The following AKT2 variants were observed in gnomAD, a reference collection of about 807,000 sequenced individuals.
AKT2 encodes the protein RAC-beta serine/threonine-protein kinase.
In AKT2, 16 loss-of-function variants were observed where a neutral mutation model predicts 58.6. That is an observed-to-expected ratio of 0.27 (90% CI 0.18 to 0.41). The LOEUF (loss-of-function observed/expected upper bound fraction) is 0.41. Ranked by LOEUF, AKT2 falls within the 10% of genes least tolerant of loss-of-function variation. AKT2 has a pLI of 1.00. For synonymous variants in AKT2, 253 were observed against 254.0 expected, an observed-to-expected ratio of 1.00 and a Z score of 0.04; for missense variants, 438 against 661.0, an observed-to-expected ratio of 0.66 and a Z score of 3.70.
chr19:40,239,150 G>A (rs1974219923), intron 7 of AKT2, 177 bp from the exon 8 acceptor site: 2 of 598,880 alleles, frequency 3.3e-6, no homozygotes, highest in South Asian at 4.1e-5. Flanking sequence ...GGCATTAAGT[G>A]AAGGCATGGC....
intron 1 of AKT2, among the ~76,000 whole-genome samples, chr19:40,278,955 C>T (rs1292559841): frequency 6.6e-6 from 1 of 151,884 alleles, no homozygotes; most frequent in African/African-American, 2.4e-5. Flanking sequence ...TCAGCAGCCC[C>T]AGCTGGGTAA....
chr19:40,254,809 T>C (rs1239832310), intron 4 of AKT2, among the ~76,000 whole-genome samples: 1 of 151,772 alleles, frequency 6.6e-6, no homozygotes, highest in African/African-American at 2.4e-5. Context: ...GCATTCCAAC[T>C]TGGGCAATAA....
At chr19:40,257,187 G>A (rs1051333813) in intron 2 of AKT2, 133 bp from the exon 3 acceptor site, 16 of 1,213,730 alleles carry the variant, frequency 1.3e-5, no homozygotes, top group African/African-American at 8.9e-5. Context: ...GGGGACACAC[G>A]AGAATGCCTC....
At position 40,232,768 on chromosome 19, in the gene AKT2, C is replaced by T. The variant is rs1315896862; in HGVS notation, c.*1104G>A. 2 of 233,510 alleles carry T rather than the reference C, an allele frequency of 8.6e-6. No homozygotes were observed. Among genetic ancestry groups the T allele is most frequent in the Non-Finnish European group, 8.5e-6 (1 of 118,298 alleles). 14.5% of individuals were successfully genotyped at this position (233,510 alleles called of 1,614,324 possible). On this transcript the variant is annotated 3_prime_UTR_variant, in exon 14 of 14. Transcript: ENST00000392038. ...CGTGTGCCTGCGTCCCGCCGACACA[C>T]GCAGTCCGAGGCACGCACAGGAGTC... is the stretch of plus-strand genomic sequence containing the variant.
chr19:40,236,121 A>G lies in AKT2; in HGVS notation c.961-17T>C. 1.9e-6 allele frequency: 3 copies of G among 1,613,936 alleles called. No homozygotes were observed. Among genetic ancestry groups the G allele is most frequent in the African/African-American group, 1.3e-5 (1 of 75,016 alleles). On this transcript the variant is annotated splice_polypyrimidine_tract_variant and intron_variant, in intron 10 of 13. Transcript: ENST00000392038. The stretch of plus-strand genomic sequence containing the variant: ...CTCCAGCACCTGAGGATGGAGGAGA[A>G]ATGAGGGCTGGGCCCGTGGCCCTGA...
intron 7 of AKT2, chr19:40,239,491 C>G (rs917164289): frequency 9.9e-6 from 3 of 303,604 alleles, no homozygotes; most frequent in Non-Finnish European, 1.9e-5. Context: ...CACTGAGGTA[C>G]CTCATAAGAT....
chr19:40,257,085 G>C, intron 2 of AKT2, 31 bp from the exon 3 acceptor site: 1 of 1,613,052 alleles, frequency 6.2e-7, no homozygotes, highest in Non-Finnish European at 8.5e-7. Flanking sequence ...AGGGAGAGAG[G>C]TTAGGACAAG....
intron 6 of AKT2, 110 bp downstream of exon 6, chr19:40,241,828 G>C: frequency 6.7e-7 from 1 of 1,499,216 alleles, no homozygotes; most frequent in East Asian, 2.3e-5. Flanking sequence ...ATTTGTGGGG[G>C]AAATAAGCCC....
chr19:40,234,955 G>A lies in AKT2; in HGVS notation c.1366+90C>T, dbSNP rs1379203937. 4.9e-6 allele frequency: 6 copies of A among 1,216,742 alleles called. No homozygotes were observed. Among genetic ancestry groups the A allele is most frequent in the Admixed American group, 3.7e-5 (2 of 54,386 alleles). The allele number at this position is 1,216,742 out of a possible 1,614,324, so 75.4% of individuals were successfully genotyped here. A position where few individuals can be genotyped will look rare whatever the true frequency, so the allele number is the denominator to read the frequency against. On this transcript the variant is annotated intron_variant, in intron 13 of 13. Transcript: ENST00000392038. The surrounding 1 kb of genome is among the most constrained non-coding windows in gnomAD (Gnocchi z 4.7). ...TCCCAGACATGAAGCGGGGGCCTTC[G>A]AGGGCCCTCCTTGAGAAGTGAGTTA...
At chr19:40,257,710 A>G (rs1975641182) in intron 2 of AKT2, among the ~76,000 whole-genome samples, 3 of 152,268 alleles carry the variant, frequency 2.0e-5, no homozygotes, top group Middle Eastern at 3.4e-3. Flanking sequence ...CCTCAACAGC[A>G]TTATTCATAA....
intron 4 of AKT2, among the ~76,000 whole-genome samples, chr19:40,250,034 G>C (rs923575167): frequency 4.6e-5 from 7 of 152,204 alleles, no homozygotes; most frequent in Non-Finnish European, 7.3e-5. Context: ...TGCTAGGCAT[G>C]TTTAAGGAAC....
chr19:40,243,567 C>T (rs777522131), intron 4 of AKT2: 11 of 152,172 alleles, frequency 7.2e-5, no homozygotes, highest in Non-Finnish European at 1.2e-4. Flanking sequence ...AGAAGTAGGT[C>T]CCAGCAGAAG....
intron 2 of AKT2, among the ~76,000 whole-genome samples, chr19:40,263,766 C>T (rs1321573488): frequency 2.0e-5 from 3 of 152,190 alleles, no homozygotes; most frequent in Non-Finnish European, 4.4e-5. Flanking sequence ...GTGCAGGATG[C>T]GTGGCTCTTC....
In AKT2 at chr19:40,233,272, C is replaced by G. The variant is rs1279213943; in HGVS notation, c.*600G>C. On this transcript the variant is annotated 3_prime_UTR_variant, in exon 14 of 14. Coordinates refer to ENST00000392038, the MANE Select transcript of AKT2 (RefSeq NM_001626.6). The surrounding 1 kb of genome is among the most constrained non-coding windows in gnomAD (Gnocchi z 4.3). ...TTCCCCATGGTACAGATCCTAGGAT[C>G]TGACTCCATTCACCAGGGAGCAGCC... The G allele has an allele frequency of 2.9e-6, 1 of 343,762 alleles. No individual in the cohort carries two copies. The highest frequency in any genetic ancestry group is 4.8e-5 in the East Asian group (1 of 20,922). 21.3% of individuals were successfully genotyped at this position (343,762 alleles called of 1,614,324 possible).
Position 40,236,221 on chromosome 19 carries a change from G to A in AKT2, c.960+36C>T. 6.2e-7 allele frequency: 1 copy of A among 1,613,414 alleles called. No homozygotes were observed. On this transcript the variant is annotated intron_variant, in intron 10 of 13. Coordinates refer to ENST00000392038, the MANE Select transcript of AKT2 (RefSeq NM_001626.6). ...GGTCTGGGGGATCCCCCTACCCTTG[G>A]CCTCACACGTTCCTACCCCCACCAA... is the stretch of plus-strand genomic sequence containing the variant.
At chr19:40,236,872 T>C (rs1974065015) in intron 9 of AKT2, 1 of 188,532 alleles carries the variant, frequency 5.3e-6, no homozygotes. Flanking sequence ...TTTCTTAATA[T>C]GAAAAAAAAA....
chr19:40,249,293 CTGG>C (rs1974973452), intron 4 of AKT2, among the ~76,000 whole-genome samples: 1 of 152,200 alleles, frequency 6.6e-6, no homozygotes, highest in African/African-American at 2.4e-5. Flanking sequence ...GAAAGAGATG[CTGG>C]TGGCAGAGGA....
chr19:40,240,595 G>A (rs1488709454), intron 6 of AKT2, among the ~76,000 whole-genome samples: 1 of 152,150 alleles, frequency 6.6e-6, no homozygotes, highest in Non-Finnish European at 1.5e-5. Flanking sequence ...ACTCGGGGTG[G>A]GCCCAGCACT....
rs540167305 is a variant in AKT2, at chr19:40,237,851, C to A, written c.831+118G>T. The A allele has an allele frequency of 8.8e-6, 13 of 1,479,876 alleles. No individual in the cohort carries two copies. The South Asian group carries it at 1.6e-4, about 18-fold the overall frequency. The allele number at this position is 1,479,876 out of a possible 1,614,324, so 91.7% of individuals were successfully genotyped here. A position where few individuals can be genotyped will look rare whatever the true frequency, so the allele number is the denominator to read the frequency against. ...CCTGGCGAATGAGGGCAGCCACCAC[C>A]CTGGACCTTGGTGGGGAGCCTGGCG... On this transcript the variant is annotated intron_variant, in intron 9 of 13. Coordinates refer to ENST00000392038, the MANE Select transcript of AKT2 (RefSeq NM_001626.6). The surrounding 1 kb of genome is among the most constrained non-coding windows in gnomAD (Gnocchi z 4.5).
Sources: allele counts gnomAD v4.1 joint callset (sites outside exome capture counted in the v4.1 genomes callset), GRCh38; gene constraint gnomAD v4.1.1; non-coding constraint Gnocchi (gnomAD v3.1); transcripts MANE v1.5; gene names NCBI Gene and HGNC (gene_info 2026-07-23, HGNC 2026-07-21).